The following PCBD2 variants were observed in gnomAD, a reference collection of about 807,000 sequenced individuals.
PCBD2 encodes the protein pterin-4-alpha-carbinolamine dehydratase 2.
A neutral mutation model predicts 16.4 loss-of-function variants in PCBD2; 12 were observed. That is an observed-to-expected ratio of 0.73 (90% CI 0.47 to 1.19). PCBD2 has a LOEUF of 1.19. Ranked by LOEUF, PCBD2 falls within the 50% of genes most tolerant of loss-of-function variation. PCBD2 has a pLI of 0.00. For missense variants in PCBD2, 138 were observed against 156.8 expected (o/e 0.88, Z 0.64); for synonymous variants, 58 against 61.8 (o/e 0.94, Z 0.29).
intron 2 of PCBD2, among the ~76,000 whole-genome samples, chr5:134,928,878 C>A (rs1348187703): frequency 4.6e-5 from 7 of 152,038 alleles, no homozygotes. Flanking sequence ...ATTTACTGAG[C>A]TGGGGAAGTG....
chr5:134,959,753 C>CTA lies in PCBD2; in HGVS notation c.297+634_297+635insAT, dbSNP rs1301747189. ...GACTTAATAGAATAACTCAGAGCAC[C>CTA]TTGGTACCAGGCTAAACTTTTCTTT... On this transcript the variant is annotated intron_variant, in intron 3 of 3. Transcript: ENST00000254908. Among the ~76,000 whole-genome samples the CTA allele has an allele frequency of 3.9e-5, 6 of 152,254 alleles. No individual in the cohort carries two copies. In the East Asian group the frequency reaches 1.2e-3, roughly 29 times the overall value.
intron 1 of PCBD2, among the ~76,000 whole-genome samples, chr5:134,907,921 CTTT>C (rs1187907367): frequency 8.2e-6 from 1 of 122,076 alleles, no homozygotes; most frequent in Non-Finnish European, 1.8e-5. Flanking sequence ...CACGCCCGGA[CTTT>C]TTTTTTTTTT....
At chr5:134,920,912 C>T (rs1157094170) in intron 2 of PCBD2, among the ~76,000 whole-genome samples, 13 of 152,240 alleles carry the variant, frequency 8.5e-5, no homozygotes, top group Non-Finnish European at 1.6e-4. Flanking sequence ...GTGATCCGCC[C>T]GCCTTGGCCT....
intron 1 of PCBD2, among the ~76,000 whole-genome samples, chr5:134,906,071 G>A (rs1750685360): frequency 6.6e-6 from 1 of 151,458 alleles, no homozygotes; most frequent in South Asian, 2.1e-4. Context: ...AGGGGTTTTC[G>A]CCATGTTGGC....
chr5:134,947,375 C>A lies in PCBD2; in HGVS notation c.217-11665C>A, dbSNP rs558700012. Among the ~76,000 whole-genome samples the A allele has an allele frequency of 3.4e-5, 5 of 146,542 alleles. No homozygotes were observed. In the Admixed American group the frequency reaches 3.5e-4, roughly 10 times the overall value. On this transcript the variant is annotated intron_variant, in intron 2 of 3. Transcript: ENST00000254908. Reference sequence around the variant, plus strand: ...CCCAAAGTGCTGGGGTTACAGCCATCGCGCCCGGCCTCAATTTTTTTTTTT... The same window carrying A: ...CCCAAAGTGCTGGGGTTACAGCCATAGCGCCCGGCCTCAATTTTTTTTTTT...
At position 134,959,143 on chromosome 5, in the gene PCBD2, G is replaced by A. The variant is rs757602571; in HGVS notation, c.297+23G>A. On this transcript the variant is annotated intron_variant, in intron 3 of 3. Transcript: ENST00000254908. ...AAGGTAACTAAACTGCCTTATTTGGGAATCACCTTAATTATGGAGTTTAAG... is the reference window on the plus strand; with the variant it reads ...AAGGTAACTAAACTGCCTTATTTGGAAATCACCTTAATTATGGAGTTTAAG... 26 of 1,538,322 alleles carry A rather than the reference G, an allele frequency of 1.7e-5. No homozygotes were observed. The African/African-American group carries it at 2.6e-4, about 15-fold the overall frequency.
intron 2 of PCBD2, among the ~76,000 whole-genome samples, chr5:134,948,102 T>C (rs1580892692): frequency 1.3e-5 from 2 of 152,242 alleles, no homozygotes; most frequent in African/African-American, 4.8e-5. Flanking sequence ...AAACCAGTGC[T>C]TCTGTTTGCT....
At chr5:134,950,031 C>T (rs568145125) in intron 2 of PCBD2, among the ~76,000 whole-genome samples, 5 of 152,236 alleles carry the variant, frequency 3.3e-5, no homozygotes, top group Admixed American at 6.5e-5. Flanking sequence ...TGTTTCAAGA[C>T]GTGAAGAAAT....
At chr5:134,906,594 A>C (rs1019576267) in intron 1 of PCBD2, among the ~76,000 whole-genome samples, 15 of 152,024 alleles carry the variant, frequency 9.9e-5, no homozygotes, top group African/African-American at 3.4e-4. Context: ...CTTCAGGCGT[A>C]CTCTGCCCCA....
At chr5:134,920,620 TTTGC>T (rs1750891699) in intron 2 of PCBD2, among the ~76,000 whole-genome samples, 2 of 152,160 alleles carry the variant, frequency 1.3e-5, no homozygotes, top group African/African-American at 4.8e-5. Context: ...AATGACTCTG[TTTGC>T]TTGTGTGCTC....
At chr5:134,905,439 CTT>C in intron 1 of PCBD2, 1 of 379,370 alleles carries the variant, frequency 2.6e-6, no homozygotes, top group Non-Finnish European at 4.6e-6. Context: ...TTGCCCTTGA[CTT>C]TACACTTCCG....
At chr5:134,920,622 T>G (rs1750891741) in intron 2 of PCBD2, among the ~76,000 whole-genome samples, 1 of 152,052 alleles carries the variant, frequency 6.6e-6, no homozygotes, top group Non-Finnish European at 1.5e-5. Flanking sequence ...TGACTCTGTT[T>G]GCTTGTGTGC....
chr5:134,947,184 C>G (rs1029302435), intron 2 of PCBD2, among the ~76,000 whole-genome samples: 4 of 151,520 alleles, frequency 2.6e-5, no homozygotes. Context: ...TCCCTGCCTC[C>G]TGGGTTCAAG....
chr5:134,932,296 G>T (rs139548264), intron 2 of PCBD2, among the ~76,000 whole-genome samples: 1 of 151,878 alleles, frequency 6.6e-6, no homozygotes, highest in Non-Finnish European at 1.5e-5. Context: ...TCCTACCTCC[G>T]CCTCCTGAGT....
intron 2 of PCBD2, among the ~76,000 whole-genome samples, chr5:134,934,334 A>G (rs1459838528): frequency 6.6e-6 from 1 of 152,164 alleles, no homozygotes; most frequent in Admixed American, 6.5e-5. Flanking sequence ...ACCCCAAAGA[A>G]CTTTTACAAC....
intron 2 of PCBD2, among the ~76,000 whole-genome samples, chr5:134,916,756 TA>T (rs1332318096): frequency 1.3e-5 from 2 of 152,234 alleles, no homozygotes; most frequent in Non-Finnish European, 2.9e-5. Flanking sequence ...TCTCCTAGCA[TA>T]GGTGGATGAA....
intron 2 of PCBD2, among the ~76,000 whole-genome samples, chr5:134,916,828 G>C (rs767555401): frequency 6.6e-6 from 1 of 152,224 alleles, no homozygotes; most frequent in African/African-American, 2.4e-5. Flanking sequence ...TGGTACATGG[G>C]CTCTGCAGTG....
chr5:134,948,685 T>A (rs534661431), intron 2 of PCBD2, among the ~76,000 whole-genome samples: 1 of 151,966 alleles, frequency 6.6e-6, no homozygotes, highest in South Asian at 2.1e-4. Flanking sequence ...CTGTGTAGGC[T>A]ATTATGGCAA....
intron 2 of PCBD2, chr5:134,927,436 T>C: frequency 2.5e-6 from 1 of 398,306 alleles, no homozygotes; most frequent in Non-Finnish European, 4.4e-6. Context: ...ATAAAAGCTA[T>C]TGTGTACGCT....
Sources: gnomAD v4.1 joint callset for allele counts (sites outside exome capture counted in the v4.1 genomes callset) on GRCh38, gnomAD v4.1.1 for gene constraint, MANE v1.5 for transcripts, NCBI Gene and HGNC (gene_info 2026-07-23, HGNC 2026-07-21) for gene names.